TMEM170B: variants seen among roughly 807,000 people sequenced by gnomAD.
The protein encoded by TMEM170B is transmembrane protein 170B.
Under a neutral mutation model 13.0 loss-of-function variants are expected in TMEM170B, and 6 were observed. The ratio of observed to expected loss-of-function variants is 0.46; its 90% CI spans 0.25 to 0.91. The LOEUF is 0.91. Ranked by LOEUF, TMEM170B falls within the 40% of genes least tolerant of loss-of-function variation. The probability of loss-of-function intolerance (pLI) is 0.17; values close to 1 mark genes in which losing one functional copy is unlikely to be tolerated. For synonymous variants in TMEM170B, 61 were observed against 64.9 expected (o/e 0.94, Z 0.29); for missense variants, 138 against 165.2 (o/e 0.84, Z 0.90).
chr6:11,564,854 G>A (rs1042394567), intron 1 of TMEM170B, among the ~76,000 whole-genome samples: 2 of 152,196 alleles, frequency 1.3e-5, no homozygotes, highest in African/African-American at 4.8e-5. Flanking sequence ...CAGGGGAAGG[G>A]AACGATTGGC....
rs1759898889 is a variant in TMEM170B, at chr6:11,577,765, C to A, written c.*2204C>A. The A allele has an allele frequency of 6.6e-6, 1 of 151,590 alleles. No individual in the cohort carries two copies. The highest frequency in any genetic ancestry group is 2.1e-4 in the South Asian group (1 of 4,780). 9.4% of individuals were successfully genotyped at this position (151,590 alleles called of 1,614,324 possible). ...GTTAATAATTAGTTTGTAGAGTGTC[C>A]TGCAGTTATTATCAAGTTGCTTTAC... On this transcript the variant is annotated 3_prime_UTR_variant, in exon 3 of 3. Coordinates refer to ENST00000379426, the MANE Select transcript of TMEM170B (RefSeq NM_001100829.3).
intron 1 of TMEM170B, among the ~76,000 whole-genome samples, chr6:11,547,781 A>C (rs998837920): frequency 2.6e-5 from 4 of 152,130 alleles, no homozygotes; most frequent in Non-Finnish European, 5.9e-5. Context: ...AGCAATACCA[A>C]GTCCAAGGTC....
At chr6:11,562,696 T>A (rs748519592) in intron 1 of TMEM170B, among the ~76,000 whole-genome samples, 3 of 152,164 alleles carry the variant, frequency 2.0e-5, no homozygotes, top group Non-Finnish European at 4.4e-5. Context: ...ATCCACAGTA[T>A]AATATATCAA....
In TMEM170B at chr6:11,565,727, A is replaced by G. The variant is rs114089792; in HGVS notation, c.159A>G (p.Ala53=). The G allele has an allele frequency of 1.8e-4, 284 of 1,614,138 alleles. No homozygotes were observed. The African/African-American group carries it at 3.3e-3, about 19-fold the overall frequency. Residue 53 remains alanine (A), a synonymous_variant, in exon 2 of 3, where the codon GCA becomes GCG. Coordinates refer to ENST00000379426, the MANE Select transcript of TMEM170B (RefSeq NM_001100829.3). The part of the protein sequence containing the change: ...LFSSLFVHGA[A]GVLMFVMLQR... ...CTTCTCTGTTTGTCCATGGTGCTGCAGGAGTGTTGATGTTTGTGATGCTGC... is the reference window on the plus strand; with the variant it reads ...CTTCTCTGTTTGTCCATGGTGCTGCGGGAGTGTTGATGTTTGTGATGCTGC...
chr6:11,566,149 T>C (rs1759730373), intron 2 of TMEM170B, among the ~76,000 whole-genome samples: 1 of 152,202 alleles, frequency 6.6e-6, no homozygotes, highest in Non-Finnish European at 1.5e-5. Flanking sequence ...TTCAAGTTGC[T>C]CATTTTCTAG....
chr6:11,568,307 A>G (rs375995595), intron 2 of TMEM170B, among the ~76,000 whole-genome samples: 50 of 152,352 alleles, frequency 3.3e-4, no homozygotes, highest in African/African-American at 1.2e-3. Context: ...TTGTGGTGGC[A>G]TACAAACAGA....
intron 1 of TMEM170B, among the ~76,000 whole-genome samples, chr6:11,563,789 A>G (rs1051932377): frequency 5.9e-5 from 9 of 152,190 alleles, no homozygotes; most frequent in Admixed American, 2.6e-4. Flanking sequence ...GCACAGGCAG[A>G]TCCTGTCTCT....
chr6:11,572,271 T>G lies in TMEM170B; in HGVS notation c.269-3160T>G, dbSNP rs1422752969. Among the ~76,000 whole-genome samples the G allele has an allele frequency of 2.0e-5, 3 of 152,136 alleles. No homozygotes were observed. The East Asian group carries it at 5.8e-4, about 29-fold the overall frequency. On this transcript the variant is annotated intron_variant, in intron 2 of 2. Transcript: ENST00000379426. ...GTAAAGGACTGAAAACAAAGACATG[T>G]TGTTGGCCATAGAATGGATAAATAA... is the stretch of plus-strand genomic sequence containing the variant.
At chr6:11,558,256 A>G (rs1261681489) in intron 1 of TMEM170B, among the ~76,000 whole-genome samples, 20 of 152,156 alleles carry the variant, frequency 1.3e-4, no homozygotes, top group Admixed American at 1.3e-3. Context: ...TATATGGTCT[A>G]TGAGCCTCTC....
Position 11,537,853 on chromosome 6 carries a change from T to C in TMEM170B, c.-425T>C, listed in dbSNP as rs1451453134. On this transcript the variant is annotated 5_prime_UTR_variant, in exon 1 of 3. Coordinates refer to ENST00000379426, the MANE Select transcript of TMEM170B (RefSeq NM_001100829.3). ...CCTCCGGCGGCGATGAGCTGGGCCC[T>C]GTCGGGGGCTGCACCTGCCGGCTGC... Among the ~76,000 whole-genome samples, 2 of 151,446 alleles carry C rather than the reference T, an allele frequency of 1.3e-5. No homozygotes were observed. The highest frequency in any genetic ancestry group is 4.8e-5 in the African/African-American group (2 of 41,246).
intron 1 of TMEM170B, among the ~76,000 whole-genome samples, chr6:11,560,238 C>T (rs1759644289): frequency 6.6e-6 from 1 of 151,722 alleles, no homozygotes; most frequent in African/African-American, 2.4e-5. Flanking sequence ...GGTCTTTGCT[C>T]ACTGCAAGCT....
rs1759953445 is a variant in TMEM170B at position 11,581,316 on chromosome 6, T to TTTA, written c.*5755_*5756insTTA. The stretch of plus-strand genomic sequence containing the variant: ...TCGTATGTTATAGTTTAAACATATG[T>TTTA]ACAATTTGTTGATAGAATCCAAGGA... On this transcript the variant is annotated 3_prime_UTR_variant, in exon 3 of 3. Coordinates refer to ENST00000379426, the MANE Select transcript of TMEM170B (RefSeq NM_001100829.3). The TTTA allele has an allele frequency of 6.6e-6, 1 of 152,230 alleles. No homozygotes were observed. Among genetic ancestry groups the TTTA allele is most frequent in the Non-Finnish European group, 1.5e-5 (1 of 68,040 alleles). 9.4% of individuals were successfully genotyped at this position (152,230 alleles called of 1,614,324 possible). A position where few individuals can be genotyped will look rare whatever the true frequency, so the allele number is the denominator to read the frequency against.
At chr6:11,572,208 C>T (rs577516851) in intron 2 of TMEM170B, among the ~76,000 whole-genome samples, 2 of 152,088 alleles carry the variant, frequency 1.3e-5, no homozygotes, top group African/African-American at 2.4e-5. Flanking sequence ...TGCTAGGGGT[C>T]GTAGACAAGA....
At chr6:11,555,036 G>A (rs956112428) in intron 1 of TMEM170B, among the ~76,000 whole-genome samples, 1 of 152,110 alleles carries the variant, frequency 6.6e-6, no homozygotes, top group Admixed American at 6.5e-5. Flanking sequence ...TGTCTAAGGA[G>A]CTTCCTTCAA....
chr6:11,570,138 A>C (rs1310473812), intron 2 of TMEM170B, among the ~76,000 whole-genome samples: 1 of 152,198 alleles, frequency 6.6e-6, no homozygotes, highest in Admixed American at 6.5e-5. Flanking sequence ...ACCCAAGAAC[A>C]TGTAGTGTAG....
chr6:11,569,734 A>G (rs1055590552), intron 2 of TMEM170B, among the ~76,000 whole-genome samples: 7 of 152,186 alleles, frequency 4.6e-5, no homozygotes, highest in Non-Finnish European at 1.0e-4. Flanking sequence ...CCCCACTGCC[A>G]TATAGTAAAT....
intron 1 of TMEM170B, among the ~76,000 whole-genome samples, chr6:11,538,809 A>G (rs1006618680): frequency 5.9e-5 from 9 of 152,264 alleles, no homozygotes; most frequent in African/African-American, 2.2e-4. Context: ...AGCCAAATGT[A>G]GAACCTAAAA....
At chr6:11,538,736 A>T (rs1335486714) in intron 1 of TMEM170B, among the ~76,000 whole-genome samples, 1 of 152,064 alleles carries the variant, frequency 6.6e-6, no homozygotes, top group Non-Finnish European at 1.5e-5. Flanking sequence ...CCTTCTACAC[A>T]CATCGCTTCT....
chr6:11,549,580 A>G (rs1203408100), intron 1 of TMEM170B, among the ~76,000 whole-genome samples: 1 of 151,844 alleles, frequency 6.6e-6, no homozygotes, highest in African/African-American at 2.4e-5. Context: ...GGAGAATGGC[A>G]TGAACCCTGG....
Sources: allele counts gnomAD v4.1 joint callset (sites outside exome capture counted in the v4.1 genomes callset), GRCh38; gene constraint gnomAD v4.1.1; transcripts MANE v1.5; gene names NCBI Gene and HGNC (gene_info 2026-07-23, HGNC 2026-07-21).